The following TMOD3 variants were observed in gnomAD, a reference collection of about 807,000 sequenced individuals.
The protein encoded by TMOD3 is tropomodulin 3.
Under a neutral mutation model 39.2 loss-of-function variants are expected in TMOD3, and 20 were observed. The observed-to-expected ratio is 0.51, with a 90% CI of 0.36 to 0.74. TMOD3 has a LOEUF of 0.74. Ranked by LOEUF, TMOD3 falls within the 30% of genes least tolerant of loss-of-function variation. The pLI is 0.00. For synonymous variants in TMOD3, 143 were observed against 145.8 expected (o/e 0.98, Z 0.14); for missense variants, 381 against 412.8 (o/e 0.92, Z 0.67).
At chr15:51,830,753 A>AAGG (rs1555464694) in intron 1 of TMOD3, among the ~76,000 whole-genome samples, 16 of 152,238 alleles carry the variant, frequency 1.1e-4, no homozygotes, top group African/African-American at 3.9e-4. Context: ...CTTCAGATTA[A>AAGG]TTTTTTTGGC....
intron 1 of TMOD3, among the ~76,000 whole-genome samples, chr15:51,832,511 T>C (rs1290814006): frequency 6.6e-6 from 1 of 151,974 alleles, no homozygotes; most frequent in African/African-American, 2.4e-5. Flanking sequence ...TTTATTTTAT[T>C]TGGAACCTGA....
intron 1 of TMOD3, among the ~76,000 whole-genome samples, chr15:51,847,312 C>T (rs1287549802): frequency 6.6e-6 from 1 of 152,158 alleles, no homozygotes; most frequent in Non-Finnish European, 1.5e-5. Flanking sequence ...AGATTTCAAA[C>T]TATTTTCTCT....
At chr15:51,861,657 CT>C (rs550303054) in intron 1 of TMOD3, among the ~76,000 whole-genome samples, 7,532 of 134,782 alleles carry the variant, frequency 0.056, 344 homozygotes, top group African/African-American at 0.12. Flanking sequence ...GTACTAGGTA[CT>C]TTTTTTTTTT....
chr15:51,870,079 C>G (rs2056467542), intron 3 of TMOD3, among the ~76,000 whole-genome samples: 2 of 152,134 alleles, frequency 1.3e-5, no homozygotes, highest in Admixed American at 6.5e-5. Context: ...GCTGGGATTA[C>G]AGGTGCACAC....
chr15:51,874,032 A>G (rs2056489175), intron 3 of TMOD3, among the ~76,000 whole-genome samples: 1 of 152,126 alleles, frequency 6.6e-6, no homozygotes, highest in South Asian at 2.1e-4. Flanking sequence ...TATACTTCTT[A>G]TTTTTTCACT....
intron 1 of TMOD3, among the ~76,000 whole-genome samples, chr15:51,846,152 C>CAA (rs139987097): frequency 0.34 from 47,679 of 140,352 alleles, 8,505 homozygotes; most frequent in Admixed American, 0.4. Context: ...CCCATTTCTA[C>CAA]CAAAAAAAAA....
rs1204663519 is a variant in TMOD3, at chr15:51,862,896, A to G, written c.12A>G (p.Pro4=). 1.9e-6 allele frequency: 3 copies of G among 1,613,568 alleles called. No individual in the cohort carries two copies. The highest frequency in any genetic ancestry group is 2.7e-5 in the African/African-American group (2 of 74,922). MAL[P]FRKDLEKYKD... is the part of the protein sequence containing the mutation. Reference sequence around the variant, plus strand: ...CTGCCCTGCACATCATGGCACTGCCATTCCGTAAGGACTTAGAAAAGTACA... The same window carrying G: ...CTGCCCTGCACATCATGGCACTGCCGTTCCGTAAGGACTTAGAAAAGTACA... Residue 4 remains proline (P), a synonymous_variant, in exon 2 of 10, where the codon CCA becomes CCG. Coordinates refer to ENST00000308580, the MANE Select transcript of TMOD3 (RefSeq NM_014547.5).
At chr15:51,841,608 C>G (rs1159731609) in intron 1 of TMOD3, among the ~76,000 whole-genome samples, 5 of 152,202 alleles carry the variant, frequency 3.3e-5, no homozygotes, top group Non-Finnish European at 5.9e-5. Flanking sequence ...GACTTCCCTT[C>G]TTTCATCAGT....
chr15:51,831,884 A>G (rs925566020), intron 1 of TMOD3, among the ~76,000 whole-genome samples: 3 of 152,126 alleles, frequency 2.0e-5, no homozygotes, highest in Admixed American at 2.0e-4. Flanking sequence ...GTGAATATGT[A>G]TAAGACATGA....
At chr15:51,859,086 C>T in intron 1 of TMOD3, 1 of 506,858 alleles carries the variant, frequency 2.0e-6, no homozygotes, top group Non-Finnish European at 3.6e-6. Flanking sequence ...GCCATCTTGT[C>T]TGCCATCGAT....
In TMOD3 at chr15:51,909,323, A is replaced by G. The variant is rs1360021635; in HGVS notation, c.*513A>G. 1 of 153,250 alleles carries G rather than the reference A, an allele frequency of 6.5e-6. No homozygotes were observed. Among genetic ancestry groups the G allele is most frequent in the Admixed American group, 6.5e-5 (1 of 15,290 alleles). The allele number at this position is 153,250 out of a possible 1,614,324, so 9.5% of individuals were successfully genotyped here. A position where few individuals can be genotyped will look rare whatever the true frequency, so the allele number is the denominator to read the frequency against. ...GCCAGAATGTTAAAACAGTTAACTC[A>G]AAATCTAGTCATCTGTGTAGGAGCT... On this transcript the variant is annotated 3_prime_UTR_variant, in exon 10 of 10. Transcript: ENST00000308580.
At chr15:51,888,888 GAGAATGAGATTAT>G (rs2056578761) in intron 4 of TMOD3, among the ~76,000 whole-genome samples, 155 bp from the exon 5 acceptor site, 1 of 152,110 alleles carries the variant, frequency 6.6e-6, no homozygotes, top group Admixed American at 6.5e-5. Flanking sequence ...GAGTATTGAG[GAGAATGAGATTAT>G]AGGTGATTTT....
At chr15:51,878,082 C>T (rs2056514045) in intron 3 of TMOD3, among the ~76,000 whole-genome samples, 1 of 152,236 alleles carries the variant, frequency 6.6e-6, no homozygotes, top group Admixed American at 6.5e-5. Flanking sequence ...GTCTGCAGCT[C>T]AGCATTCACC....
intron 1 of TMOD3, among the ~76,000 whole-genome samples, chr15:51,831,775 CTTAA>C (rs2056256593): frequency 1.3e-5 from 2 of 151,382 alleles, no homozygotes; most frequent in South Asian, 4.2e-4. Context: ...CTCTTCCTTC[CTTAA>C]TTGTTTTCAT....
intron 3 of TMOD3, among the ~76,000 whole-genome samples, chr15:51,871,584 G>A (rs1327988996): frequency 6.6e-6 from 1 of 152,140 alleles, no homozygotes; most frequent in African/African-American, 2.4e-5. Flanking sequence ...GCTAACCCCG[G>A]AAGCTTCCTA....
At chr15:51,904,396 CT>C (rs2056667583) in intron 9 of TMOD3, among the ~76,000 whole-genome samples, 1 of 152,174 alleles carries the variant, frequency 6.6e-6, no homozygotes, top group South Asian at 2.1e-4. Context: ...ACAATAGGTA[CT>C]TAAGAAAACT....
At position 51,862,757 on chromosome 15, in the gene TMOD3, A is replaced by G. The variant is rs1284123329; in HGVS notation, c.-74-54A>G. The G allele has an allele frequency of 8.7e-6, 7 of 801,868 alleles. No homozygotes were observed. The East Asian group carries it at 1.5e-4, about 17-fold the overall frequency. The allele number at this position is 801,868 out of a possible 1,614,324, so 49.7% of individuals were successfully genotyped here. A position where few individuals can be genotyped will look rare whatever the true frequency, so the allele number is the denominator to read the frequency against. Reference sequence around the variant, plus strand: ...TTCACTTAACCTGAGAATTAGATCTAAGTAGGTGGAGATGACTTACTATTT... The same window carrying G: ...TTCACTTAACCTGAGAATTAGATCTGAGTAGGTGGAGATGACTTACTATTT... On this transcript the variant is annotated intron_variant, in intron 1 of 9. Transcript: ENST00000308580.
At chr15:51,852,957 G>A (rs1221174865) in intron 1 of TMOD3, among the ~76,000 whole-genome samples, 1 of 152,184 alleles carries the variant, frequency 6.6e-6, no homozygotes, top group East Asian at 1.9e-4. Context: ...AGGATTTCAG[G>A]TGATGGCCCA....
At chr15:51,899,665 CAAA>C (rs796730770) in intron 7 of TMOD3, among the ~76,000 whole-genome samples, 3 of 88,570 alleles carry the variant, frequency 3.4e-5, no homozygotes, top group East Asian at 3.0e-4. Flanking sequence ...GACCCTGTCT[CAAA>C]AAAAAAAAAA....
Sources: gnomAD v4.1 joint callset for allele counts (sites outside exome capture counted in the v4.1 genomes callset) on GRCh38, gnomAD v4.1.1 for gene constraint, MANE v1.5 for transcripts, NCBI Gene and HGNC (gene_info 2026-07-23, HGNC 2026-07-21) for gene names.